The following ARHGAP26 variants were observed in gnomAD, a reference collection of about 807,000 sequenced individuals.
ARHGAP26 encodes the protein Rho GTPase activating protein 26.
In ARHGAP26, 38 loss-of-function variants were observed where a neutral mutation model predicts 104.8. That is an observed-to-expected ratio of 0.36 (90% CI 0.28 to 0.48). The LOEUF (loss-of-function observed/expected upper bound fraction) is 0.48, where lower values mean the gene tolerates loss of function less well. Ranked by LOEUF, ARHGAP26 falls within the 20% of genes least tolerant of loss-of-function variation. The pLI, the probability that ARHGAP26 is intolerant of heterozygous loss-of-function variation, is 0.99. For missense variants in ARHGAP26, 704 were observed against 947.9 expected, an observed-to-expected ratio of 0.74 and a Z score of 3.38; for synonymous variants, 341 against 340.0, an observed-to-expected ratio of 1.00 and a Z score of -0.03.
chr5:142,876,842 C>A (rs1756192520), intron 3 of ARHGAP26, among the ~76,000 whole-genome samples: 1 of 150,018 alleles, frequency 6.7e-6, no homozygotes, highest in Admixed American at 6.6e-5. Context: ...AAACCTCTTA[C>A]CTTTTGCCCT....
At chr5:142,902,912 C>T (rs1257253130) in intron 7 of ARHGAP26, among the ~76,000 whole-genome samples, 1 of 152,092 alleles carries the variant, frequency 6.6e-6, no homozygotes, top group Non-Finnish European at 1.5e-5. Context: ...AGTGAGGGCA[C>T]CTGGACTCGC....
At chr5:142,869,271 A>G (rs1598004372) in intron 1 of ARHGAP26, among the ~76,000 whole-genome samples, 1 of 149,636 alleles carries the variant, frequency 6.7e-6, no homozygotes, top group African/African-American at 2.5e-5. Context: ...CAATGGTGCA[A>G]CCTCGGCTCA....
chr5:142,833,092 G>A (rs1768825692), intron 1 of ARHGAP26, among the ~76,000 whole-genome samples: 1 of 151,680 alleles, frequency 6.6e-6, no homozygotes, highest in Non-Finnish European at 1.5e-5. Flanking sequence ...TTTCACTTTT[G>A]TTGCCCAGGC....
Position 143,226,914 on chromosome 5 carries a change from G to A in ARHGAP26, c.*4468G>A, listed in dbSNP as rs1183847435. ...CTGCAGAGTTGTGTGTGCCATACCT[G>A]CGGCTCAAAGGGAAGGCCTTCTATC... On this transcript the variant is annotated 3_prime_UTR_variant, in exon 23 of 23. Transcript: ENST00000645722. 4.4e-6 allele frequency: 1 copy of A among 226,810 alleles called. No homozygotes were observed. Among genetic ancestry groups the A allele is most frequent in the African/African-American group, 2.2e-5 (1 of 44,950 alleles). The allele number at this position is 226,810 out of a possible 1,614,324, so 14.0% of individuals were successfully genotyped here.
chr5:143,013,000 A>ACAG (rs1471761319), intron 11 of ARHGAP26, among the ~76,000 whole-genome samples: 1 of 151,954 alleles, frequency 6.6e-6, no homozygotes, highest in Non-Finnish European at 1.5e-5. Flanking sequence ...TTTAATTATG[A>ACAG]CAGCATATCA....
chr5:142,822,123 T>C (rs1486044988), intron 1 of ARHGAP26, among the ~76,000 whole-genome samples: 1 of 152,178 alleles, frequency 6.6e-6, no homozygotes, highest in Non-Finnish European at 1.5e-5. Flanking sequence ...CTTGGAACAG[T>C]CTTTACTGGT....
chr5:142,899,973 G>A (rs1439014327), intron 6 of ARHGAP26, among the ~76,000 whole-genome samples: 1 of 152,150 alleles, frequency 6.6e-6, no homozygotes, highest in Non-Finnish European at 1.5e-5. Context: ...TATGAGTGAA[G>A]GATAAATCAT....
At chr5:143,088,466 T>C (rs1455365421) in intron 17 of ARHGAP26, among the ~76,000 whole-genome samples, 2 of 148,438 alleles carry the variant, frequency 1.3e-5, no homozygotes, top group Non-Finnish European at 2.9e-5. Flanking sequence ...TTGGACCAAA[T>C]TGTTAAAAAA....
At chr5:142,824,962 T>C (rs1167668237) in intron 1 of ARHGAP26, among the ~76,000 whole-genome samples, 3 of 152,216 alleles carry the variant, frequency 2.0e-5, no homozygotes, top group South Asian at 2.1e-4. Context: ...TTAACTCTTA[T>C]TGGGGCAACC....
intron 2 of ARHGAP26, chr5:142,874,752 G>A (rs1202571222): frequency 1.1e-5 from 2 of 180,810 alleles, no homozygotes; most frequent in Non-Finnish European, 2.3e-5. Flanking sequence ...GACAAAGGTT[G>A]AGGAGGTCGA....
chr5:142,974,121 C>T (rs1772672247), intron 11 of ARHGAP26, among the ~76,000 whole-genome samples: 1 of 151,634 alleles, frequency 6.6e-6, no homozygotes, highest in South Asian at 2.1e-4. Flanking sequence ...ATCCTGCTTG[C>T]TTCTGCTATA....
chr5:143,018,236 G>C (rs533292667), intron 12 of ARHGAP26, among the ~76,000 whole-genome samples: 1 of 152,152 alleles, frequency 6.6e-6, no homozygotes, highest in Admixed American at 6.5e-5. Context: ...ACTGATTCTA[G>C]ATACTAATCC....
chr5:142,781,163 A>G (rs2151848060), intron 1 of ARHGAP26, among the ~76,000 whole-genome samples: 1 of 152,316 alleles, frequency 6.6e-6, no homozygotes, highest in Non-Finnish European at 1.5e-5. Flanking sequence ...GGCCTGTGGG[A>G]AAGGCAACTG....
intron 14 of ARHGAP26, among the ~76,000 whole-genome samples, chr5:143,053,569 A>G (rs907908591): frequency 1.3e-5 from 2 of 152,342 alleles, no homozygotes; most frequent in South Asian, 2.1e-4. Flanking sequence ...TGTGCTACTC[A>G]GGAAGATTAT....
intron 20 of ARHGAP26, among the ~76,000 whole-genome samples, chr5:143,161,403 GC>G (rs1801225254): frequency 6.6e-6 from 1 of 152,054 alleles, no homozygotes; most frequent in Non-Finnish European, 1.5e-5. Flanking sequence ...TCCTCCTCCA[GC>G]CCCCAACCAA....
chr5:143,163,850 TC>T (rs940472106), intron 20 of ARHGAP26, among the ~76,000 whole-genome samples: 3 of 152,150 alleles, frequency 2.0e-5, no homozygotes, highest in African/African-American at 7.2e-5. Context: ...TTTGTTTTTT[TC>T]CCACTGAGAC....
chr5:143,005,801 T>C (rs1276779765), intron 11 of ARHGAP26, among the ~76,000 whole-genome samples: 1 of 152,232 alleles, frequency 6.6e-6, no homozygotes, highest in Non-Finnish European at 1.5e-5. Context: ...CAAGAACGCT[T>C]CCGGGGCTGT....
At chr5:142,935,487 A>G (rs1481914884) in intron 11 of ARHGAP26, among the ~76,000 whole-genome samples, 1 of 152,170 alleles carries the variant, frequency 6.6e-6, no homozygotes, top group African/African-American at 2.4e-5. Context: ...AAACTTTATT[A>G]TTTACAAAAA....
chr5:142,849,071 T>C lies in ARHGAP26; in HGVS notation c.155-24329T>C, dbSNP rs540690151. ...TGGTGATACCATGCCCAACTCTAACTTGATTTTTTATCAAATGTGTTTATT... is the reference window on the plus strand; with the variant it reads ...TGGTGATACCATGCCCAACTCTAACCTGATTTTTTATCAAATGTGTTTATT... On this transcript the variant is annotated intron_variant, in intron 1 of 22. Transcript: ENST00000645722. Among the ~76,000 whole-genome samples, 19 of 152,358 alleles carry C rather than the reference T, an allele frequency of 1.2e-4. 1 individual carries two copies. In the South Asian group the frequency reaches 3.7e-3, roughly 30 times the overall value.
Sources: gnomAD v4.1 joint callset for allele counts (sites outside exome capture counted in the v4.1 genomes callset) on GRCh38, gnomAD v4.1.1 for gene constraint, MANE v1.5 for transcripts, NCBI Gene and HGNC (gene_info 2026-07-23, HGNC 2026-07-21) for gene names.